The following SLC7A9 variants were observed in gnomAD, a reference collection of about 807,000 sequenced individuals.
The protein encoded by SLC7A9 is solute carrier family 7 member 9.
Under a neutral mutation model 54.1 loss-of-function variants are expected in SLC7A9, and 38 were observed. The ratio of observed to expected loss-of-function variants is 0.70; its 90% CI spans 0.54 to 0.92. The LOEUF is 0.92. Ranked by LOEUF, SLC7A9 falls within the 40% of genes least tolerant of loss-of-function variation. SLC7A9 has a pLI of 0.00. For missense variants in SLC7A9, 537 were observed against 636.1 expected (o/e 0.84, Z 1.68); for synonymous variants, 264 against 258.9 (o/e 1.02, Z -0.19).
chr19:32,834,556 G>T (rs1224330918), intron 11 of SLC7A9, among the ~76,000 whole-genome samples: 1 of 151,930 alleles, frequency 6.6e-6, no homozygotes, highest in Non-Finnish European at 1.5e-5. Flanking sequence ...CTTGAACCCG[G>T]GAGGCGGAGG....
At position 32,864,682 on chromosome 19, in the gene SLC7A9, G is replaced by A. The variant is rs1452951617; in HGVS notation, c.182C>T (p.Ala61Val). Residue 61 changes from alanine (A) to valine (V), a missense_variant, in exon 3 of 13, where the codon GCT becomes GTT. Coordinates refer to ENST00000023064, the MANE Select transcript of SLC7A9 (RefSeq NM_014270.5). ...CCATATGATGAGGCAGGGCCCCACA[G>A]CTTCCGTGTTGCTGAGCACAGACTT... is the stretch of plus-strand genomic sequence containing the variant. Reference protein sequence around the residue: ...SPKSVLSNTEAVGPCLIIWAA... With the variant: ...SPKSVLSNTEVVGPCLIIWAA... The A allele has an allele frequency of 1.9e-6, 3 of 1,614,154 alleles. No individual in the cohort carries two copies. Among genetic ancestry groups the A allele is most frequent in the South Asian group, 1.1e-5 (1 of 91,086 alleles).
intron 11 of SLC7A9, among the ~76,000 whole-genome samples, chr19:32,834,817 G>C (rs1390424693): frequency 6.6e-6 from 1 of 152,114 alleles, no homozygotes; most frequent in Non-Finnish European, 1.5e-5. Flanking sequence ...CCAAGACAGA[G>C]TCTCGCTCTG....
At chr19:32,849,278 A>G (rs1968393485) in intron 9 of SLC7A9, among the ~76,000 whole-genome samples, 1 of 152,220 alleles carries the variant, frequency 6.6e-6, no homozygotes, top group Admixed American at 6.6e-5. Flanking sequence ...CAAAATTGAT[A>G]GACTGCTAGC....
chr19:32,864,349 G>A lies in SLC7A9; in HGVS notation c.236-11C>T. The A allele has an allele frequency of 6.2e-7, 1 of 1,613,702 alleles. No homozygotes were observed. The highest frequency in any genetic ancestry group is 8.5e-7 in the Non-Finnish European group (1 of 1,179,992). On this transcript the variant is annotated splice_polypyrimidine_tract_variant and intron_variant, in intron 3 of 12. Transcript: ENST00000023064. ...CAAAGCACAGGGCACCTGGAACACA[G>A]AGAGGAAGGGCCCACAGGCCCCTTG...
intron 9 of SLC7A9, among the ~76,000 whole-genome samples, chr19:32,846,085 C>T (rs139935541): frequency 6.9e-4 from 105 of 152,302 alleles, no homozygotes; most frequent in African/African-American, 2.3e-3. Flanking sequence ...CAGCTCCCAG[C>T]GTGAGCAACG....
At chr19:32,831,691 T>A (rs2145791283) in intron 12 of SLC7A9, among the ~76,000 whole-genome samples, 1 of 152,356 alleles carries the variant, frequency 6.6e-6, no homozygotes, top group East Asian at 1.9e-4. Flanking sequence ...AGCTAAACTT[T>A]TAAACAACTG....
At chr19:32,867,929 CAAAAA>C (rs57446079) in intron 2 of SLC7A9, among the ~76,000 whole-genome samples, 6 of 66,006 alleles carry the variant, frequency 9.1e-5, no homozygotes, top group South Asian at 1.1e-3. Flanking sequence ...GACTCTGTCT[CAAAAA>C]AAAAAAAAAA....
intron 1 of SLC7A9, 124 bp downstream of exon 1, chr19:32,869,561 AC>A (rs1969077012): frequency 6.6e-6 from 1 of 152,072 alleles, no homozygotes; most frequent in Admixed American, 6.6e-5. Context: ...TGCCGAGGAA[AC>A]CCAGTTCCAG....
chr19:32,840,704 AG>A (rs1968103459), intron 11 of SLC7A9, among the ~76,000 whole-genome samples: 1 of 151,974 alleles, frequency 6.6e-6, no homozygotes, highest in African/African-American at 2.4e-5. Context: ...CCTTCTGGAA[AG>A]GAGTTTTTGT....
chr19:32,849,403 C>T (rs1487523042), intron 9 of SLC7A9, among the ~76,000 whole-genome samples: 2 of 151,766 alleles, frequency 1.3e-5, no homozygotes, highest in East Asian at 1.9e-4. Flanking sequence ...CTACAAACAC[C>T]TCTATGCAAA....
At chr19:32,866,830 TG>T (rs1568533976) in intron 2 of SLC7A9, among the ~76,000 whole-genome samples, 1 of 152,122 alleles carries the variant, frequency 6.6e-6, no homozygotes. Flanking sequence ...CTGCCAGGCA[TG>T]GGAGCTCTCG....
intron 11 of SLC7A9, among the ~76,000 whole-genome samples, chr19:32,834,299 G>A (rs931099798): frequency 2.6e-5 from 4 of 152,128 alleles, no homozygotes; most frequent in Admixed American, 6.6e-5. Context: ...TCTCCAGAGA[G>A]CTTTGTTTCC....
At chr19:32,838,591 A>G (rs1265841775) in intron 11 of SLC7A9, among the ~76,000 whole-genome samples, 2 of 148,100 alleles carry the variant, frequency 1.4e-5, no homozygotes, top group African/African-American at 4.9e-5. Context: ...GTATATAAAA[A>G]CGTATATTAT....
At chr19:32,857,664 G>A (rs1357668126) in intron 9 of SLC7A9, among the ~76,000 whole-genome samples, 2 of 152,074 alleles carry the variant, frequency 1.3e-5, no homozygotes, top group African/African-American at 4.8e-5. Flanking sequence ...GGACAACTAA[G>A]CCAAGACACG....
At chr19:32,851,731 T>C (rs1015019549) in intron 9 of SLC7A9, among the ~76,000 whole-genome samples, 2 of 152,202 alleles carry the variant, frequency 1.3e-5, no homozygotes, top group Non-Finnish European at 2.9e-5. Context: ...CGTATGTTTA[T>C]TGTGGCACTA....
intron 9 of SLC7A9, among the ~76,000 whole-genome samples, chr19:32,846,385 C>T (rs1298836423): frequency 5.9e-5 from 9 of 152,234 alleles, no homozygotes; most frequent in East Asian, 3.9e-4. Flanking sequence ...GCACCTGGCT[C>T]GGAGGGTCCT....
intron 2 of SLC7A9, among the ~76,000 whole-genome samples, chr19:32,866,510 G>A (rs1271585462): frequency 2.6e-5 from 4 of 152,046 alleles, no homozygotes; most frequent in African/African-American, 2.4e-5. Context: ...CTGCAGCCTC[G>A]ATCTCCTGGG....
intron 11 of SLC7A9, among the ~76,000 whole-genome samples, chr19:32,837,130 T>C (rs1034696668): frequency 6.6e-6 from 1 of 152,166 alleles, no homozygotes; most frequent in Admixed American, 6.6e-5. Flanking sequence ...CAGTCTTGCG[T>C]CCTCGAAGAG....
intron 9 of SLC7A9, among the ~76,000 whole-genome samples, chr19:32,856,565 TG>T (rs1340448695): frequency 6.6e-6 from 1 of 152,180 alleles, no homozygotes; most frequent in Non-Finnish European, 1.5e-5. Flanking sequence ...AATGTTTACA[TG>T]TATTGAAACA....
Sources: gnomAD v4.1 joint callset for allele counts (sites outside exome capture counted in the v4.1 genomes callset) on GRCh38, gnomAD v4.1.1 for gene constraint, MANE v1.5 for transcripts, NCBI Gene and HGNC (gene_info 2026-07-23, HGNC 2026-07-21) for gene names.